Variants in TYW1 observed in about 807,000 individuals in gnomAD.
TYW1 encodes the protein tRNA-yW synthesizing protein 1 homolog, also known as S-adenosyl-L-methionine-dependent tRNA 4-demethylwyosine synthase TYW1.
A neutral mutation model predicts 96.2 loss-of-function variants in TYW1; 46 were observed. The observed-to-expected ratio is 0.48, with a 90% CI of 0.38 to 0.61. The LOEUF (loss-of-function observed/expected upper bound fraction) is 0.61. Among genes scored for constraint, TYW1 ranks in the 20% least tolerant of loss-of-function variants. The pLI, the probability that TYW1 is intolerant of heterozygous loss-of-function variation, is 0.00. For missense variants in TYW1, 684 were observed against 909.6 expected, an observed-to-expected ratio of 0.75 and a Z score of 3.19; for synonymous variants, 274 against 323.0, an observed-to-expected ratio of 0.85 and a Z score of 1.63.
At chr7:67,219,223 G>A (rs1476468415) in intron 15 of TYW1, among the ~76,000 whole-genome samples, 1 of 152,144 alleles carries the variant, frequency 6.6e-6, no homozygotes, top group Non-Finnish European at 1.5e-5. Flanking sequence ...ATCCATCCTT[G>A]CATTCCAGGG....
chr7:67,066,030 CA>C lies in TYW1; in HGVS notation c.1156-1254del, dbSNP rs1562993708. 2.2e-3 allele frequency among the ~76,000 whole-genome samples: 187 copies of C among 83,256 alleles called. 1 individual carries two copies. Among genetic ancestry groups the C allele is most frequent in the East Asian group, 0.011 (34 of 3,034 alleles). The allele number at this position is 83,256 out of a possible 152,430, so 54.6% of individuals were successfully genotyped here. On this transcript the variant is annotated intron_variant, in intron 9 of 15. Coordinates refer to ENST00000359626, the MANE Select transcript of TYW1 (RefSeq NM_018264.4). ...ACACACACACACACACACACACACA[CA>C]CCCACACCCCTATACACGTGTAAAG...
At chr7:67,081,434 G>A (rs1284314335) in intron 10 of TYW1, among the ~76,000 whole-genome samples, 1 of 145,180 alleles carries the variant, frequency 6.9e-6, no homozygotes, top group Non-Finnish European at 1.5e-5. Flanking sequence ...TTTTTTTTTG[G>A]CATTTAATCC....
At chr7:66,997,978 G>T in intron 1 of TYW1, 87 bp from the exon 2 acceptor site, 3 of 1,462,106 alleles carry the variant, frequency 2.1e-6, no homozygotes, top group Non-Finnish European at 1.8e-6. Context: ...TGAATGTAAG[G>T]TTGGTTTTAT....
chr7:67,002,069 A>T lies in TYW1; in HGVS notation c.273+3115A>T, dbSNP rs182978010. 1.4e-4 allele frequency among the ~76,000 whole-genome samples: 21 copies of T among 150,604 alleles called. 1 individual carries two copies. In the East Asian group the frequency reaches 2.5e-3, roughly 18 times the overall value. Reference sequence around the variant, plus strand: ...AAAAAAGGAAAGAAGAAAAAAAGAGATAGGGTCTTGCTCTGTTACCCAAGC... The same window carrying T: ...AAAAAAGGAAAGAAGAAAAAAAGAGTTAGGGTCTTGCTCTGTTACCCAAGC... On this transcript the variant is annotated intron_variant, in intron 3 of 15. Coordinates refer to ENST00000359626, the MANE Select transcript of TYW1 (RefSeq NM_018264.4).
chr7:67,006,682 C>T lies in TYW1; in HGVS notation c.274-2901C>T, dbSNP rs113725622. 4.5e-4 allele frequency among the ~76,000 whole-genome samples: 69 copies of T among 152,106 alleles called. 1 individual carries two copies. The highest frequency in any genetic ancestry group is 3.4e-3 in the Middle Eastern group (1 of 294). ...CTCGATCTCCTGACCTCAAGTGATC[C>T]GCCCGCCTTGACCTCCCAAAGAGCT... On this transcript the variant is annotated intron_variant, in intron 3 of 15. Transcript: ENST00000359626.
intron 7 of TYW1, among the ~76,000 whole-genome samples, chr7:67,043,651 A>G (rs1425652878): frequency 6.6e-6 from 1 of 152,152 alleles, no homozygotes; most frequent in Non-Finnish European, 1.5e-5. Flanking sequence ...TCACCTAGAA[A>G]CAAGAGGTGA....
chr7:67,120,137 G>A (rs577089166), intron 13 of TYW1, among the ~76,000 whole-genome samples: 11 of 151,540 alleles, frequency 7.3e-5, no homozygotes, highest in South Asian at 4.2e-4. Context: ...GCTGGTTTGC[G>A]GTGGTGTGAT....
intron 13 of TYW1, among the ~76,000 whole-genome samples, chr7:67,153,763 T>G (rs1798877503): frequency 6.6e-6 from 1 of 152,218 alleles, no homozygotes; most frequent in Non-Finnish European, 1.5e-5. Flanking sequence ...ATTTTTAAAG[T>G]GCAAATTGAA....
intron 12 of TYW1, among the ~76,000 whole-genome samples, chr7:67,108,279 A>G (rs1228206287): frequency 6.6e-6 from 1 of 152,182 alleles, no homozygotes; most frequent in Non-Finnish European, 1.5e-5. Flanking sequence ...CTCAAGATTG[A>G]CAGACTACAA....
In TYW1 at chr7:67,170,745, A is replaced by G. The variant is rs550228839; in HGVS notation, c.1699-12381A>G. On this transcript the variant is annotated intron_variant, in intron 13 of 15. Transcript: ENST00000359626. ...TAGCTGTTCTGGAAATTTCATATAA[A>G]TGGATTTGTGTGTTACGTGACTTGC... Among the ~76,000 whole-genome samples, 4 of 152,270 alleles carry G rather than the reference A, an allele frequency of 2.6e-5. No homozygotes were observed. The South Asian group carries it at 8.3e-4, about 32-fold the overall frequency.
chr7:67,136,748 G>A lies in TYW1; in HGVS notation c.1698+19130G>A, dbSNP rs139096902. On this transcript the variant is annotated intron_variant, in intron 13 of 15. Transcript: ENST00000359626. ...CATAAAAATACTAAAATTATTGACT[G>A]TCAAAACTAATAATGTGTAGTTGTC... 3.2e-3 allele frequency among the ~76,000 whole-genome samples: 481 copies of A among 151,936 alleles called. 2 individuals carry two copies. The highest frequency in any genetic ancestry group is 5.2e-3 in the Non-Finnish European group (352 of 67,976).
intron 11 of TYW1, among the ~76,000 whole-genome samples, chr7:67,084,715 A>T (rs1796495766): frequency 6.6e-6 from 1 of 152,014 alleles, no homozygotes; most frequent in Admixed American, 6.6e-5. Context: ...GGGTCTAGCC[A>T]TGTTGTCCAG....
At chr7:67,011,596 G>T (rs1017906725) in intron 4 of TYW1, among the ~76,000 whole-genome samples, 1 of 152,192 alleles carries the variant, frequency 6.6e-6, no homozygotes, top group Non-Finnish European at 1.5e-5. Context: ...CAGAGGCTGG[G>T]TGTGGTGGCT....
At chr7:67,104,630 C>T (rs1186264754) in intron 12 of TYW1, among the ~76,000 whole-genome samples, 1 of 152,116 alleles carries the variant, frequency 6.6e-6, no homozygotes, top group Non-Finnish European at 1.5e-5. Context: ...GTGAGTGGTC[C>T]ACCAGGACTT....
At chr7:67,102,050 T>C (rs1375614627) in intron 12 of TYW1, among the ~76,000 whole-genome samples, 1 of 152,170 alleles carries the variant, frequency 6.6e-6, no homozygotes, top group East Asian at 1.9e-4. Flanking sequence ...GACATTGGGA[T>C]AGAATGGTGT....
intron 13 of TYW1, among the ~76,000 whole-genome samples, chr7:67,130,720 TTCTTACTG>T (rs1186964199): frequency 6.6e-6 from 1 of 152,016 alleles, no homozygotes; most frequent in Non-Finnish European, 1.5e-5. Context: ...TCCAACACTC[TTCTTACTG>T]TCTGAATAAT....
Position 67,207,382 on chromosome 7 carries a change from A to T in TYW1, c.1977+12045A>T, listed in dbSNP as rs1800839797. ...GTACCTACCAACCTTCTTCCTTATC[A>T]TTCATTCACTCCATTTATTCAGTAA... On this transcript the variant is annotated intron_variant, in intron 15 of 15. Coordinates refer to ENST00000359626, the MANE Select transcript of TYW1 (RefSeq NM_018264.4). Among the ~76,000 whole-genome samples, 3 of 152,166 alleles carry T rather than the reference A, an allele frequency of 2.0e-5. No homozygotes were observed. The South Asian group carries it at 6.2e-4, about 32-fold the overall frequency.
At chr7:67,084,964 C>G (rs2115783080) in intron 11 of TYW1, among the ~76,000 whole-genome samples, 1 of 152,312 alleles carries the variant, frequency 6.6e-6, no homozygotes, top group Non-Finnish European at 1.5e-5. Context: ...TCTCTATGCT[C>G]TGGTCTCTAC....
At chr7:67,061,097 G>A (rs1231229234) in intron 9 of TYW1, among the ~76,000 whole-genome samples, 1 of 152,232 alleles carries the variant, frequency 6.6e-6, no homozygotes, top group African/African-American at 2.4e-5. Flanking sequence ...GTGTGGTGGT[G>A]TGTGCCTGTA....
Sources: allele counts gnomAD v4.1 joint callset (sites outside exome capture counted in the v4.1 genomes callset), GRCh38; gene constraint gnomAD v4.1.1; transcripts MANE v1.5; gene names NCBI Gene and HGNC (gene_info 2026-07-23, HGNC 2026-07-21).